The following GABRG3 variants were observed in gnomAD, a reference collection of about 807,000 sequenced individuals.
GABRG3 encodes gamma-aminobutyric acid receptor subunit gamma-3.
A neutral mutation model predicts 48.8 loss-of-function variants in GABRG3; 25 were observed. The ratio of observed to expected loss-of-function variants is 0.51; its 90% CI spans 0.37 to 0.72. The LOEUF (loss-of-function observed/expected upper bound fraction) is 0.72, where lower values mean the gene tolerates loss of function less well. Ranked by LOEUF, GABRG3 falls within the 30% of genes least tolerant of loss-of-function variation. GABRG3 has a pLI of 0.00. For missense variants in GABRG3, 394 were observed against 577.9 expected, an observed-to-expected ratio of 0.68 and a Z score of 3.26; for synonymous variants, 227 against 217.6, an observed-to-expected ratio of 1.04 and a Z score of -0.38.
At chr15:26,989,648 A>G (rs1052289402) in intron 2 of GABRG3, among the ~76,000 whole-genome samples, 1 of 152,098 alleles carries the variant, frequency 6.6e-6, no homozygotes, top group Admixed American at 6.5e-5. Context: ...ATATGCTTTT[A>G]ATTATTTTAA....
chr15:27,376,760 C>T (rs1175309783), intron 5 of GABRG3, among the ~76,000 whole-genome samples: 6 of 152,164 alleles, frequency 3.9e-5, no homozygotes, highest in Admixed American at 2.0e-4. Context: ...CACCTCCAAG[C>T]CTATCATGGG....
At chr15:27,110,580 CA>C (rs2140370210) in intron 3 of GABRG3, among the ~76,000 whole-genome samples, 1 of 137,120 alleles carries the variant, frequency 7.3e-6, no homozygotes, top group East Asian at 2.3e-4. Context: ...CAAATTCCCT[CA>C]ATTTTTTTTT....
chr15:27,517,304 T>C (rs927306763), intron 6 of GABRG3, among the ~76,000 whole-genome samples: 3 of 152,312 alleles, frequency 2.0e-5, no homozygotes, highest in South Asian at 2.1e-4. Flanking sequence ...CACCTCCATA[T>C]TGTGCATACC....
At chr15:27,052,932 A>G (rs1341757808) in intron 3 of GABRG3, among the ~76,000 whole-genome samples, 2 of 152,242 alleles carry the variant, frequency 1.3e-5, no homozygotes, top group Non-Finnish European at 2.9e-5. Flanking sequence ...TCTGTTCAGT[A>G]AATAGTGCTG....
At chr15:27,316,360 C>T (rs1489941006) in intron 3 of GABRG3, among the ~76,000 whole-genome samples, 1 of 142,798 alleles carries the variant, frequency 7.0e-6, no homozygotes, top group Non-Finnish European at 1.5e-5. Context: ...TGCACTCCAG[C>T]CTGGGCGACA....
chr15:27,164,885 A>G (rs1040942562), intron 3 of GABRG3, among the ~76,000 whole-genome samples: 1 of 152,230 alleles, frequency 6.6e-6, no homozygotes, highest in African/African-American at 2.4e-5. Context: ...ATATTAATAC[A>G]GGTGGGCTCC....
intron 3 of GABRG3, among the ~76,000 whole-genome samples, chr15:27,302,274 A>C (rs1410289874): frequency 6.6e-6 from 1 of 152,038 alleles, no homozygotes; most frequent in African/African-American, 2.4e-5. Flanking sequence ...AACGGAATCT[A>C]TAAGATATTA....
In GABRG3 at chr15:26,976,369, C is replaced by T. The variant is rs978747837; in HGVS notation, c.54-633C>T. Among the ~76,000 whole-genome samples the T allele has an allele frequency of 1.2e-4, 18 of 152,272 alleles. No homozygotes were observed. The highest frequency in any genetic ancestry group is 3.9e-4 in the East Asian group (2 of 5,172). On this transcript the variant is annotated intron_variant, in intron 1 of 9. Coordinates refer to ENST00000615808, the MANE Select transcript of GABRG3 (RefSeq NM_033223.5). This position sits in a 1 kb window ranked among gnomAD's most constrained non-coding sequence, Gnocchi z 7.8. ...AGGAGATGAATCAGTTTGTGTTGAC[C>T]GAGGCGTGCAAGATTGCTAGAGGGT...
chr15:27,389,902 C>T (rs1896170037), intron 5 of GABRG3, among the ~76,000 whole-genome samples: 1 of 152,090 alleles, frequency 6.6e-6, no homozygotes, highest in African/African-American at 2.4e-5. Context: ...GCCTGCAGGG[C>T]ATAAAAACTG....
Position 27,319,675 on chromosome 15 carries a change from T to C in GABRG3, c.271-7134T>C, listed in dbSNP as rs1893353382. ...AGGCGTGGGCAGAGCACAAATGGGA[T>C]GGGGAGGAAGGGAGGTCTGTGCCGG... On this transcript the variant is annotated intron_variant, in intron 3 of 9. Coordinates refer to ENST00000615808, the MANE Select transcript of GABRG3 (RefSeq NM_033223.5). The surrounding 1 kb of genome is among the most constrained non-coding windows in gnomAD (Gnocchi z 4.4). 2.0e-5 allele frequency among the ~76,000 whole-genome samples: 3 copies of C among 151,858 alleles called. No homozygotes were observed. Among genetic ancestry groups the C allele is most frequent in the Admixed American group, 6.6e-5 (1 of 15,256 alleles).
intron 3 of GABRG3, among the ~76,000 whole-genome samples, chr15:27,190,524 G>A (rs377767012): frequency 6.6e-6 from 1 of 152,102 alleles, no homozygotes; most frequent in Admixed American, 6.6e-5. Flanking sequence ...AGAGGTGTTT[G>A]TAGTATTCTC....
chr15:27,266,201 T>C (rs1351872680), intron 3 of GABRG3, among the ~76,000 whole-genome samples: 1 of 151,882 alleles, frequency 6.6e-6, no homozygotes, highest in African/African-American at 2.4e-5. Context: ...TTTCTGGAAG[T>C]TTTAGTTTTC....
intron 5 of GABRG3, among the ~76,000 whole-genome samples, chr15:27,372,850 A>C (rs1360695395): frequency 6.6e-6 from 1 of 152,122 alleles, no homozygotes; most frequent in African/African-American, 2.4e-5. Flanking sequence ...AGAACACTGT[A>C]CCTTGAGTGG....
intron 6 of GABRG3, among the ~76,000 whole-genome samples, chr15:27,517,415 T>C (rs73371521): frequency 0.068 from 10,361 of 152,298 alleles, 1,215 homozygotes; most frequent in African/African-American, 0.24. Flanking sequence ...AGGATGACCA[T>C]GGAAGCTAAT....
chr15:27,002,561 A>G (rs1360245799), intron 2 of GABRG3, among the ~76,000 whole-genome samples: 1 of 152,042 alleles, frequency 6.6e-6, no homozygotes, highest in Non-Finnish European at 1.5e-5. Flanking sequence ...TTTTTAAGCT[A>G]AGAAATTTAT....
chr15:27,064,417 G>A (rs983498301), intron 3 of GABRG3, among the ~76,000 whole-genome samples: 9 of 152,094 alleles, frequency 5.9e-5, no homozygotes, highest in South Asian at 4.1e-4. Flanking sequence ...CCTTCTCTTC[G>A]TCCATGAATC....
At chr15:27,324,880 A>C (rs1893553902) in intron 3 of GABRG3, among the ~76,000 whole-genome samples, 1 of 152,222 alleles carries the variant, frequency 6.6e-6, no homozygotes, top group Non-Finnish European at 1.5e-5. Context: ...TGGAAGGGCC[A>C]CACCTTAGTT....
At chr15:27,526,503 A>G (rs1566879760) in intron 7 of GABRG3, among the ~76,000 whole-genome samples, 1 of 152,216 alleles carries the variant, frequency 6.6e-6, no homozygotes, top group Non-Finnish European at 1.5e-5. Context: ...TAGTCCTGAC[A>G]GGTCCTGATT....
At chr15:27,043,137 A>G (rs1566918195) in intron 3 of GABRG3, among the ~76,000 whole-genome samples, 1 of 151,950 alleles carries the variant, frequency 6.6e-6, no homozygotes, top group Non-Finnish European at 1.5e-5. Context: ...AATACCCTCC[A>G]TCTCTTCAGT....
Sources: gnomAD v4.1 joint callset for allele counts (sites outside exome capture counted in the v4.1 genomes callset) on GRCh38, gnomAD v4.1.1 for gene constraint, Gnocchi (gnomAD v3.1) non-coding constraint, MANE v1.5 for transcripts, NCBI Gene and HGNC (gene_info 2026-07-23, HGNC 2026-07-21) for gene names.